The following GTF3C1 variants were observed in gnomAD, a reference collection of about 807,000 sequenced individuals.
GTF3C1 encodes general transcription factor 3C polypeptide 1.
Under a neutral mutation model 226.7 loss-of-function variants are expected in GTF3C1, and 57 were observed. The observed-to-expected ratio is 0.25, with a 90% CI of 0.20 to 0.31. GTF3C1 has a LOEUF of 0.31. Ranked by LOEUF, GTF3C1 falls within the 10% of genes least tolerant of loss-of-function variation. GTF3C1 has a pLI of 1.00. For synonymous variants in GTF3C1, 1,090 were observed against 1,084.8 expected (o/e 1.00, Z -0.09); for missense variants, 2,217 against 2,776.1 (o/e 0.80, Z 4.53).
intron 29 of GTF3C1, 60 bp downstream of exon 29, chr16:27,476,391 A>T: frequency 9.3e-7 from 1 of 1,078,238 alleles, no homozygotes; most frequent in Non-Finnish European, 1.4e-6. Flanking sequence ...CCAGCACCTC[A>T]CGAGCCTGGC....
chr16:27,469,495 C>G lies in GTF3C1; in HGVS notation c.4870G>C (p.Glu1624Gln). The G allele has an allele frequency of 1.9e-6, 3 of 1,614,106 alleles. No homozygotes were observed. Among genetic ancestry groups the G allele is most frequent in the Non-Finnish European group, 2.5e-6 (3 of 1,179,952 alleles). ...DDEDEEDDLD[E>Q]GVGGKRRSME... Reference sequence around the variant, plus strand: ...CTCCGGCGCTTGCCCCCTACACCTTCGTCCAAGTCATCCTCTTCATCCTCG... The same window carrying G: ...CTCCGGCGCTTGCCCCCTACACCTTGGTCCAAGTCATCCTCTTCATCCTCG... Residue 1624 changes from glutamate to glutamine, a missense_variant, in exon 32 of 37, where the codon GAA (glutamate) becomes CAA (glutamine). Around this residue, in one of 12 missense-constraint regions of GTF3C1, gnomAD observed 546 missense variants for 663.0 expected, o/e 0.82. Transcript: ENST00000356183. This position sits in a 1 kb window ranked among gnomAD's most constrained non-coding sequence, Gnocchi z 4.5.
At chr16:27,468,723 C>A (rs2087820166) in intron 32 of GTF3C1, among the ~76,000 whole-genome samples, 1 of 152,068 alleles carries the variant, frequency 6.6e-6, no homozygotes, top group Non-Finnish European at 1.5e-5. Context: ...ATAGCGAGTC[C>A]CCGTCTCAAT....
chr16:27,499,238 G>A (rs1166447843), intron 12 of GTF3C1, among the ~76,000 whole-genome samples: 1 of 152,254 alleles, frequency 6.6e-6, no homozygotes, highest in East Asian at 1.9e-4. Flanking sequence ...ATTTAGAGCT[G>A]CTTTTGTTGT....
At chr16:27,506,564 T>A (rs1460182946) in intron 9 of GTF3C1, among the ~76,000 whole-genome samples, 1 of 152,214 alleles carries the variant, frequency 6.6e-6, no homozygotes, top group African/African-American at 2.4e-5. Context: ...CTTAGACTGT[T>A]GGAAGGGAAG....
At chr16:27,500,942 C>T (rs769935646) in intron 12 of GTF3C1, among the ~76,000 whole-genome samples, 3 of 152,224 alleles carry the variant, frequency 2.0e-5, no homozygotes, top group Non-Finnish European at 2.9e-5. Context: ...TCTGCTTCTT[C>T]AAGGCTGACC....
intron 7 of GTF3C1, among the ~76,000 whole-genome samples, chr16:27,509,651 A>C (rs993766267): frequency 2.7e-5 from 4 of 150,476 alleles, no homozygotes; most frequent in Non-Finnish European, 5.9e-5. Context: ...CCAGCTACTC[A>C]GGAGGCTGAG....
At chr16:27,525,891 T>A (rs180961936) in intron 6 of GTF3C1, among the ~76,000 whole-genome samples, 1 of 152,338 alleles carries the variant, frequency 6.6e-6, no homozygotes, top group East Asian at 1.9e-4. Flanking sequence ...TCACTAACTC[T>A]AAGGATTCTT....
At position 27,519,413 on chromosome 16, in the gene GTF3C1, C is replaced by A. The variant is rs139552432; in HGVS notation, c.974-7512G>T. On this transcript the variant is annotated intron_variant, in intron 6 of 36. Transcript: ENST00000356183. Reference sequence around the variant, plus strand: ...GGAAGCTGGCTTGGAGGGAGGGAGGCCTGGAAGGGAGTCCAGATCTGCAGA... The same window carrying A: ...GGAAGCTGGCTTGGAGGGAGGGAGGACTGGAAGGGAGTCCAGATCTGCAGA... 3.0e-3 allele frequency among the ~76,000 whole-genome samples: 456 copies of A among 152,176 alleles called. 2 individuals carry two copies. The highest frequency in any genetic ancestry group is 5.4e-3 in the Non-Finnish European group (369 of 67,990).
intron 6 of GTF3C1, among the ~76,000 whole-genome samples, chr16:27,517,388 G>C (rs141413873): frequency 1.2e-4 from 18 of 152,152 alleles, no homozygotes; most frequent in African/African-American, 4.1e-4. Context: ...CCGAATAAGC[G>C]CACGTCATCC....
chr16:27,464,643 T>G lies in GTF3C1; in HGVS notation c.5549A>C (p.Gln1850Pro). 1 of 1,515,520 alleles carries G rather than the reference T, an allele frequency of 6.6e-7. No homozygotes were observed. Among genetic ancestry groups the G allele is most frequent in the South Asian group, 1.3e-5 (1 of 75,916 alleles). 93.9% of individuals were successfully genotyped at this position (1,515,520 alleles called of 1,614,324 possible). A position where few individuals can be genotyped will look rare whatever the true frequency, so the allele number is the denominator to read the frequency against. Residue 1850 changes from glutamine to proline, a missense_variant, in exon 34 of 37, where the codon CAG becomes CCG. Transcript: ENST00000356183. ...SSSEDSPPEG[Q>P]APPSHSPRGT... ...CCGGGGGCTGTGAGAAGGAGGTGCC[T>G]GCCCCTCGGGGGGGCTGTCCTCACT...
Position 27,469,584 on chromosome 16 carries a change from T to C in GTF3C1, c.4815-34A>G, listed in dbSNP as rs2087836239. On this transcript the variant is annotated intron_variant, in intron 31 of 36. Coordinates refer to ENST00000356183, the MANE Select transcript of GTF3C1 (RefSeq NM_001520.4). The surrounding 1 kb of genome is among the most constrained non-coding windows in gnomAD (Gnocchi z 4.5). ...GAATTGTGACCTGGATACCTGAGCA[T>C]AGGCCAGCCAGTTGCTACTGCAGCC... is the stretch of plus-strand genomic sequence containing the variant. 2.5e-6 allele frequency: 4 copies of C among 1,587,558 alleles called. No homozygotes were observed. Among genetic ancestry groups the C allele is most frequent in the East Asian group, 4.5e-5 (2 of 44,354 alleles).
In GTF3C1 at chr16:27,462,458, G is replaced by A. The variant is rs761672405; in HGVS notation, c.5953C>T (p.Arg1985Trp). The A allele has an allele frequency of 1.2e-6, 2 of 1,613,772 alleles. No homozygotes were observed. The highest frequency in any genetic ancestry group is 8.5e-7 in the Non-Finnish European group (1 of 1,179,816). ...RDCESVCFIG[R>W]PWRVVDGHLN... ...TGGCCATCCACGACACGCCACGGCCGGCCGATGAAGCAGACACTCTCACAG... is the reference window on the plus strand; with the variant it reads ...TGGCCATCCACGACACGCCACGGCCAGCCGATGAAGCAGACACTCTCACAG... Residue 1985 changes from arginine to tryptophan, a missense_variant, in exon 36 of 37, where the codon CGG becomes TGG. By Grantham distance (101) the Arg-to-Trp change is moderately radical (BLOSUM62 -3). Around this residue, in one of 12 missense-constraint regions of GTF3C1, gnomAD observed 153 missense variants for 199.8 expected, o/e 0.77. Transcript: ENST00000356183. This position sits in a 1 kb window ranked among gnomAD's most constrained non-coding sequence, Gnocchi z 4.5.
intron 7 of GTF3C1, 52 bp from the exon 8 acceptor site, chr16:27,508,707 C>A (rs770366933): frequency 1.5e-6 from 2 of 1,340,322 alleles, no homozygotes; most frequent in Non-Finnish European, 2.1e-6. Context: ...AGCTGTTCTG[C>A]ACAAGTCAGT....
Position 27,488,353 on chromosome 16 carries a change from C to T in GTF3C1, c.3574G>A (p.Glu1192Lys). ...TCTCGGTCCACCTCAAACTGCTCTT[C>T]CCAGCCAGCACAGAGCTCGGAGCCT... ...RVGSELCAGW[E>K]EQFEVDREPS... Residue 1192 changes from glutamate (E) to lysine (K), a missense_variant, in exon 23 of 37, where the codon GAA (glutamate) becomes AAA (lysine). Glu to Lys is a moderately conservative substitution (Grantham distance 56). This residue lies in a region of GTF3C1 where 546 missense variants were observed against 663.0 expected (regional missense o/e 0.82). Coordinates refer to ENST00000356183, the MANE Select transcript of GTF3C1 (RefSeq NM_001520.4). The T allele has an allele frequency of 6.2e-7, 1 of 1,613,886 alleles. No homozygotes were observed. The highest frequency in any genetic ancestry group is 1.1e-5 in the South Asian group (1 of 91,084).
chr16:27,470,250 C>T lies in GTF3C1; in HGVS notation c.4672G>A (p.Ala1558Thr), dbSNP rs755127173. Residue 1558 changes from alanine (A) to threonine (T), a missense_variant, in exon 31 of 37, where the codon GCC (alanine) becomes ACC (threonine). Coordinates refer to ENST00000356183, the MANE Select transcript of GTF3C1 (RefSeq NM_001520.4). This position sits in a 1 kb window ranked among gnomAD's most constrained non-coding sequence, Gnocchi z 4.9. Reference sequence around the variant, plus strand: ...CCTCCAGGGCCGTCCAGTGAAAAGGCCACCATGTCGTTTGTGGGCTCGTTA... The same window carrying T: ...CCTCCAGGGCCGTCCAGTGAAAAGGTCACCATGTCGTTTGTGGGCTCGTTA... ...DNNEPTNDMV[A>T]FSLDGPGGNC... The T allele has an allele frequency of 6.2e-7, 1 of 1,613,968 alleles. No individual in the cohort carries two copies. Among genetic ancestry groups the T allele is most frequent in the Non-Finnish European group, 8.5e-7 (1 of 1,179,836 alleles).
Position 27,514,560 on chromosome 16 carries a change from G to A in GTF3C1, c.974-2659C>T, listed in dbSNP as rs541146512. 2.6e-5 allele frequency among the ~76,000 whole-genome samples: 4 copies of A among 152,066 alleles called. 1 individual carries two copies. Among genetic ancestry groups the A allele is most frequent in the African/African-American group, 9.6e-5 (4 of 41,482 alleles). On this transcript the variant is annotated intron_variant, in intron 6 of 36. Transcript: ENST00000356183. ...CCCCCCTAGACTGTCCTCTAGACAAGCCCCTCCCAACCCCCATCCTACCAT... is the reference window on the plus strand; with the variant it reads ...CCCCCCTAGACTGTCCTCTAGACAAACCCCTCCCAACCCCCATCCTACCAT...
At chr16:27,464,907 T>C in intron 33 of GTF3C1, 71 bp from the exon 34 acceptor site, 1 of 1,272,298 alleles carries the variant, frequency 7.9e-7, no homozygotes, top group Non-Finnish European at 1.1e-6. Context: ...GGGGGACGAG[T>C]GGAGTGGCCT....
chr16:27,466,510 CACA>C (rs990533059), intron 32 of GTF3C1, among the ~76,000 whole-genome samples: 10 of 152,170 alleles, frequency 6.6e-5, no homozygotes, highest in Non-Finnish European at 1.5e-5. Flanking sequence ...ATTCCTGAAA[CACA>C]ACAATATTGA....
At chr16:27,472,896 G>A (rs561970298) in intron 29 of GTF3C1, among the ~76,000 whole-genome samples, 1 of 152,260 alleles carries the variant, frequency 6.6e-6, no homozygotes, top group South Asian at 2.1e-4. Context: ...TCATTGTTTG[G>A]AAGTCCCAGG....
Sources: gnomAD v4.1 joint callset for allele counts (sites outside exome capture counted in the v4.1 genomes callset) on GRCh38, gnomAD v4.1.1 for gene constraint, gnomAD v4.1.1 regional missense constraint, Gnocchi (gnomAD v3.1) non-coding constraint, MANE v1.5 for transcripts, NCBI Gene and HGNC (gene_info 2026-07-23, HGNC 2026-07-21) for gene names.